Variants in AKT1 observed in about 807,000 individuals in gnomAD.
AKT1 encodes AKT serine/threonine kinase 1, also known as RAC-alpha serine/threonine-protein kinase.
In AKT1, 21 loss-of-function variants were observed where a neutral mutation model predicts 63.1. The observed-to-expected ratio is 0.33, with a 90% CI of 0.24 to 0.48. AKT1 has a LOEUF of 0.48. AKT1 is among the 20% of genes least tolerant of loss of function. AKT1 has a pLI of 0.99. For synonymous variants in AKT1, 257 were observed against 253.1 expected, an observed-to-expected ratio of 1.02 and a Z score of -0.15; for missense variants, 382 against 666.0, an observed-to-expected ratio of 0.57 and a Z score of 4.69.
At chr14:104,784,676 G>A (rs372707603) in intron 3 of AKT1, among the ~76,000 whole-genome samples, 15 of 143,326 alleles carry the variant, frequency 1.0e-4, no homozygotes, top group Middle Eastern at 3.4e-3. Context: ...CCACCACCAC[G>A]GGGACCACAT....
At chr14:104,788,565 C>T (rs551333556) in intron 3 of AKT1, among the ~76,000 whole-genome samples, 2 of 152,344 alleles carry the variant, frequency 1.3e-5, no homozygotes, top group South Asian at 2.1e-4. Context: ...GACCCCAGGA[C>T]CAGCTGGATG....
intron 3 of AKT1, among the ~76,000 whole-genome samples, chr14:104,791,832 G>C (rs1166924554): frequency 6.6e-6 from 1 of 152,234 alleles, no homozygotes; most frequent in Non-Finnish European, 1.5e-5. Context: ...ATTCCGCCTG[G>C]GGCAGAAGAG....
chr14:104,771,777 A>AC (rs1258094623), intron 13 of AKT1: 1 of 236,846 alleles, frequency 4.2e-6, no homozygotes, highest in Non-Finnish European at 8.3e-6. Context: ...CAGCTGGCAG[A>AC]CCCCATCAGC....
chr14:104,775,035 C>G (rs374053460), intron 7 of AKT1, 32 bp from the exon 8 acceptor site: 1 of 1,613,016 alleles, frequency 6.2e-7, no homozygotes, highest in Admixed American at 1.7e-5. Flanking sequence ...GCTGCCACCC[C>G]GCACCCTCAT....
At chr14:104,786,827 G>A (rs1390789254) in intron 3 of AKT1, among the ~76,000 whole-genome samples, 1 of 152,146 alleles carries the variant, frequency 6.6e-6, no homozygotes, top group African/African-American at 2.4e-5. Context: ...GCGTCTCCGC[G>A]CCCTACACCT....
At chr14:104,777,397 AGGCACACACCTGG>A (rs937844020) in intron 4 of AKT1, 8 of 228,922 alleles carry the variant, frequency 3.5e-5, no homozygotes, top group Admixed American at 2.8e-4. Context: ...CGCACACCTG[AGGCACACACCTGG>A]GGCACACGCA....
chr14:104,780,251 T>G (rs1161185129), intron 3 of AKT1, 35 bp from the exon 4 acceptor site: 2 of 1,607,158 alleles, frequency 1.2e-6, no homozygotes, highest in Non-Finnish European at 1.7e-6. Context: ...CCACGCACAC[T>G]CTACCCGTCA....
rs939352868 is a variant in AKT1, at chr14:104,776,000, A to G, written c.288-201T>C. On this transcript the variant is annotated intron_variant, in intron 5 of 14. Coordinates refer to ENST00000649815, the MANE Select transcript of AKT1 (RefSeq NM_001382430.1). Reference sequence around the variant, plus strand: ...GCCCTCTTGGACGTGGGGGACACCCAGGCTTAGCCCCCCAGCAGGACTCTG... The same window carrying G: ...GCCCTCTTGGACGTGGGGGACACCCGGGCTTAGCCCCCCAGCAGGACTCTG... 8 of 589,110 alleles carry G rather than the reference A, an allele frequency of 1.4e-5. No individual in the cohort carries two copies. The African/African-American group carries it at 1.5e-4, about 11-fold the overall frequency. The allele number at this position is 589,110 out of a possible 1,614,324, so 36.5% of individuals were successfully genotyped here. A position where few individuals can be genotyped will look rare whatever the true frequency, so the allele number is the denominator to read the frequency against.
At chr14:104,788,673 C>T (rs1893462592) in intron 3 of AKT1, among the ~76,000 whole-genome samples, 1 of 152,186 alleles carries the variant, frequency 6.6e-6, no homozygotes, top group South Asian at 2.1e-4. Context: ...CCTCAGTGCC[C>T]CCCCGCAGGG....
chr14:104,779,838 G>A (rs1383642930), intron 4 of AKT1, among the ~76,000 whole-genome samples: 1 of 151,564 alleles, frequency 6.6e-6, no homozygotes, highest in Non-Finnish European at 1.5e-5. Context: ...CCCCTGCCCA[G>A]CCAGCCTCGG....
intron 11 of AKT1, 24 bp downstream of exon 11, chr14:104,773,227 T>C: frequency 6.2e-7 from 1 of 1,614,052 alleles, no homozygotes; most frequent in South Asian, 1.1e-5. Context: ...CAGCAACGCG[T>C]ATGCACGCAG....
chr14:104,780,488 T>C (rs1595251874), intron 3 of AKT1, among the ~76,000 whole-genome samples: 8 of 152,124 alleles, frequency 5.3e-5, no homozygotes, highest in South Asian at 2.1e-4. Flanking sequence ...ACGCAGGGGA[T>C]GGAGTACCAT....
chr14:104,776,995 G>A (rs1892754029), intron 4 of AKT1: 2 of 514,096 alleles, frequency 3.9e-6, no homozygotes, highest in Non-Finnish European at 7.0e-6. Context: ...AGCCACACAG[G>A]GCATCTGGCC....
intron 3 of AKT1, among the ~76,000 whole-genome samples, chr14:104,787,773 C>G (rs1893411050): frequency 6.6e-6 from 1 of 152,238 alleles, no homozygotes; most frequent in African/African-American, 2.4e-5. Flanking sequence ...GGGCCAGTGA[C>G]CAAGAAACAC....
At chr14:104,773,772 C>T in intron 9 of AKT1, 140 bp downstream of exon 9, 1 of 1,202,774 alleles carries the variant, frequency 8.3e-7, no homozygotes, top group Non-Finnish European at 1.2e-6. Flanking sequence ...AGGCAGCTGC[C>T]TGGGCAGGCA....
intron 3 of AKT1, among the ~76,000 whole-genome samples, chr14:104,790,640 G>A (rs1041219772): frequency 1.2e-4 from 18 of 152,326 alleles, no homozygotes; most frequent in Middle Eastern, 3.4e-3. Flanking sequence ...TGCCTGCCAA[G>A]GGCATATGTC....
chr14:104,772,938 G>T lies in AKT1; in HGVS notation c.1112C>A (p.Thr371Lys), dbSNP rs781388586. The T allele has an allele frequency of 6.8e-6, 11 of 1,613,870 alleles. No individual in the cohort carries two copies. Among genetic ancestry groups the T allele is most frequent in the Non-Finnish European group, 9.3e-6 (11 of 1,180,024 alleles). Residue 371 changes from threonine (T) to lysine (K), a missense_variant, in exon 12 of 15, where the codon ACG (threonine) becomes AAG (lysine). Coordinates refer to ENST00000649815, the MANE Select transcript of AKT1 (RefSeq NM_001382430.1). Reference sequence around the variant, plus strand: ...CAAGGACTTGGCCTCGGGACCAAGCGTGCGCGGGAAGCGGATCTCCTCCAT... The same window carrying T: ...CAAGGACTTGGCCTCGGGACCAAGCTTGCGCGGGAAGCGGATCTCCTCCAT... ...ILMEEIRFPR[T>K]LGPEAKSLLS...
At chr14:104,791,999 C>T (rs970469334) in intron 3 of AKT1, among the ~76,000 whole-genome samples, 1 of 152,142 alleles carries the variant, frequency 6.6e-6, no homozygotes, top group African/African-American at 2.4e-5. Flanking sequence ...GGGGCTATGT[C>T]CCCAGCTCCC....
In AKT1 at chr14:104,772,750, C is replaced by T. The variant is rs573331669; in HGVS notation, c.1172+128G>A. On this transcript the variant is annotated intron_variant, in intron 12 of 14. Transcript: ENST00000649815. Reference sequence around the variant, plus strand: ...CTGAGGCTTTGGAGATCAGCCCTGGCCAAGGACATCAAGCTTTGGCTATCA... The same window carrying T: ...CTGAGGCTTTGGAGATCAGCCCTGGTCAAGGACATCAAGCTTTGGCTATCA... 116 of 1,119,260 alleles carry T rather than the reference C, an allele frequency of 1.0e-4. No individual in the cohort carries two copies. In the East Asian group the frequency reaches 2.7e-3, roughly 26 times the overall value. The allele number at this position is 1,119,260 out of a possible 1,614,324, so 69.3% of individuals were successfully genotyped here.
Sources: allele counts gnomAD v4.1 joint callset (sites outside exome capture counted in the v4.1 genomes callset), GRCh38; gene constraint gnomAD v4.1.1; transcripts MANE v1.5; gene names NCBI Gene and HGNC (gene_info 2026-07-23, HGNC 2026-07-21).